The following COL11A1 variants were observed in gnomAD, a reference collection of about 807,000 sequenced individuals.
COL11A1 encodes collagen alpha-1(XI) chain.
In COL11A1, 74 loss-of-function variants were observed where a neutral mutation model predicts 265.2. That is an observed-to-expected ratio of 0.28 (90% CI 0.23 to 0.34). COL11A1 has a LOEUF of 0.34. Among genes scored for constraint, COL11A1 ranks in the 10% least tolerant of loss-of-function variants. COL11A1 has a pLI of 1.00. For synonymous variants in COL11A1, 816 were observed against 727.6 expected (o/e 1.12, Z -1.96); for missense variants, 2,165 against 2,263.6 (o/e 0.96, Z 0.88).
chr1:102,967,395 C>G (rs1661542307), intron 37 of COL11A1, among the ~76,000 whole-genome samples: 1 of 151,770 alleles, frequency 6.6e-6, no homozygotes, highest in Non-Finnish European at 1.5e-5. Flanking sequence ...CACCCGCCAC[C>G]AAGCCCGGCT....
At chr1:102,944,896 T>A (rs766047286) in intron 42 of COL11A1, among the ~76,000 whole-genome samples, 48 of 152,296 alleles carry the variant, frequency 3.2e-4, no homozygotes, top group Non-Finnish European at 3.4e-4. Flanking sequence ...AGGAACTGAA[T>A]CTATTTTCTA....
chr1:102,926,974 A>C (rs897508030), intron 46 of COL11A1, among the ~76,000 whole-genome samples: 19 of 152,140 alleles, frequency 1.2e-4, no homozygotes, highest in Non-Finnish European at 2.8e-4. Context: ...AAAAAGAATT[A>C]TTTTGACCTT....
intron 4 of COL11A1, among the ~76,000 whole-genome samples, chr1:103,049,779 T>C (rs894541938): frequency 2.0e-5 from 3 of 152,208 alleles, no homozygotes; most frequent in Non-Finnish European, 4.4e-5. Flanking sequence ...TCAGGAGCTC[T>C]TGTAGGGTAG....
At chr1:103,017,540 T>C (rs1194869074) in intron 11 of COL11A1, among the ~76,000 whole-genome samples, 1 of 152,146 alleles carries the variant, frequency 6.6e-6, no homozygotes, top group Non-Finnish European at 1.5e-5. Flanking sequence ...AATTCAAATT[T>C]GAAGACCAGA....
At chr1:103,031,896 A>T (rs1418860927) in intron 4 of COL11A1, among the ~76,000 whole-genome samples, 1 of 152,060 alleles carries the variant, frequency 6.6e-6, no homozygotes, top group Non-Finnish European at 1.5e-5. Context: ...ATCACCTATC[A>T]ATAAATTTGT....
At chr1:103,086,574 G>T (rs1189269018) in intron 1 of COL11A1, among the ~76,000 whole-genome samples, 2 of 151,998 alleles carry the variant, frequency 1.3e-5, no homozygotes, top group Non-Finnish European at 2.9e-5. Flanking sequence ...CCGCCACCAC[G>T]CCCGGCTAAT....
Position 102,965,508 on chromosome 1 carries a change from T to C in COL11A1, c.2895A>G (p.Pro965=), listed in dbSNP as rs1661324359. 1 of 1,613,702 alleles carries C rather than the reference T, an allele frequency of 6.2e-7. No individual in the cohort carries two copies. The highest frequency in any genetic ancestry group is 1.3e-5 in the African/African-American group (1 of 75,048). ...ATACCTGTGGTCCAACCACTCCCCC[T>C]GGCCCAGGAGGGCCGGTCTTGCCTT... is the stretch of plus-strand genomic sequence containing the variant. The part of the protein sequence containing the change: ...GFQGKTGPPG[P]GGVVGPQGPT... The change falls in exon 38 of 67, where the codon CCA becomes CCG. Residue 965 remains proline (P), a synonymous_variant. Coordinates refer to ENST00000370096, the MANE Select transcript of COL11A1 (RefSeq NM_001854.4).
At chr1:102,889,350 C>G in intron 59 of COL11A1, 105 bp downstream of exon 59, 1 of 846,040 alleles carries the variant, frequency 1.2e-6, no homozygotes, top group South Asian at 1.4e-5. Context: ...AATTAAGACA[C>G]TCTAAATTCT....
intron 4 of COL11A1, among the ~76,000 whole-genome samples, chr1:103,066,773 C>T (rs1671187827): frequency 1.3e-5 from 2 of 151,740 alleles, no homozygotes; most frequent in Admixed American, 1.3e-4. Context: ...AAAAGGCCCC[C>T]CAGTAACCTG....
In COL11A1 at chr1:102,877,931, C is replaced by G; in HGVS notation, c.*88G>C. The G allele has an allele frequency of 7.3e-7, 1 of 1,375,140 alleles. No individual in the cohort carries two copies. The highest frequency in any genetic ancestry group is 1.0e-6 in the Non-Finnish European group (1 of 964,630). 85.2% of individuals were successfully genotyped at this position (1,375,140 alleles called of 1,614,324 possible). ...TATGCAGCGTTGTTTTCTATACCAT[C>G]CTTATTCAAAACTTGCATGTGGCAC... is the stretch of plus-strand genomic sequence containing the variant. On this transcript the variant is annotated 3_prime_UTR_variant, in exon 67 of 67. Coordinates refer to ENST00000370096, the MANE Select transcript of COL11A1 (RefSeq NM_001854.4).
intron 1 of COL11A1, among the ~76,000 whole-genome samples, chr1:103,092,828 C>T (rs1369702411): frequency 6.6e-6 from 1 of 151,934 alleles, no homozygotes. Context: ...TCACATACTC[C>T]CAAGAAGCAG....
At chr1:102,975,816 CTCTT>C (rs1295627233) in intron 35 of COL11A1, among the ~76,000 whole-genome samples, 12 of 152,068 alleles carry the variant, frequency 7.9e-5, no homozygotes, top group African/African-American at 2.9e-4. Context: ...ATAGAATTTA[CTCTT>C]TCTATTTATC....
At chr1:102,956,874 C>CT (rs1266007682) in intron 41 of COL11A1, among the ~76,000 whole-genome samples, 1 of 149,930 alleles carries the variant, frequency 6.7e-6, no homozygotes, top group African/African-American at 2.4e-5. Context: ...GTAATTCAAA[C>CT]TGACTAAAAA....
chr1:103,001,962 G>A lies in COL11A1; in HGVS notation c.2105C>T (p.Pro702Leu), dbSNP rs1238365331. The A allele has an allele frequency of 1.9e-6, 3 of 1,612,884 alleles. No homozygotes were observed. The African/African-American group carries it at 4.0e-5, about 22-fold the overall frequency. ...AGGACCAATTGGACCTTGTGGACCA[G>A]GAAGACCCTATTTTAAAAGAATTTA... is the stretch of plus-strand genomic sequence containing the variant. ...QQGNPGPQGLPGPQGPIGPPG... is the reference protein window; with the variant it reads ...QQGNPGPQGLLGPQGPIGPPG... Residue 702 changes from proline (P) to leucine (L), a missense_variant, in exon 24 of 67, where the codon CCT becomes CTT. Transcript: ENST00000370096.
Position 102,887,076 on chromosome 1 carries a change from A to G in COL11A1, c.4609-20T>C, listed in dbSNP as rs1557775314. 6.2e-7 allele frequency: 1 copy of G among 1,613,412 alleles called. No individual in the cohort carries two copies. The highest frequency in any genetic ancestry group is 8.5e-7 in the Non-Finnish European group (1 of 1,179,690). ...TGGACCCTGTAAAGAAGATAATGTGAGTGCAATTGTTTCATAAAGTGGAAT... is the reference window on the plus strand; with the variant it reads ...TGGACCCTGTAAAGAAGATAATGTGGGTGCAATTGTTTCATAAAGTGGAAT... On this transcript the variant is annotated intron_variant, in intron 62 of 66. Transcript: ENST00000370096.
chr1:102,932,232 G>C (rs918997408), intron 46 of COL11A1, among the ~76,000 whole-genome samples: 1 of 152,082 alleles, frequency 6.6e-6, no homozygotes, highest in African/African-American at 2.4e-5. Flanking sequence ...GGCTGGTGCC[G>C]GTTGTTCCTT....
At chr1:102,922,688 C>T (rs1006327339) in intron 47 of COL11A1, among the ~76,000 whole-genome samples, 10 of 152,128 alleles carry the variant, frequency 6.6e-5, no homozygotes. Context: ...CGTGAGCCAC[C>T]GCTCCCGGCC....
intron 30 of COL11A1, among the ~76,000 whole-genome samples, chr1:102,984,395 T>A (rs1242669517): frequency 6.6e-6 from 1 of 152,134 alleles, no homozygotes; most frequent in Non-Finnish European, 1.5e-5. Context: ...AATGTTATAA[T>A]GTTGCCTAAC....
intron 62 of COL11A1, 38 bp from the exon 63 acceptor site, chr1:102,887,094 A>C: frequency 6.2e-7 from 1 of 1,612,324 alleles, no homozygotes; most frequent in Non-Finnish European, 8.5e-7. Flanking sequence ...TGTTTCATAA[A>C]GTGGAATATT....
Sources: gnomAD v4.1 joint callset for allele counts (sites outside exome capture counted in the v4.1 genomes callset) on GRCh38, gnomAD v4.1.1 for gene constraint, MANE v1.5 for transcripts, NCBI Gene and HGNC (gene_info 2026-07-23, HGNC 2026-07-21) for gene names.